The following ZNF75A variants were observed in gnomAD, a reference collection of about 807,000 sequenced individuals.
ZNF75A encodes zinc finger protein 75A.
In ZNF75A, 36 loss-of-function variants were observed where a neutral mutation model predicts 46.3. The observed-to-expected ratio is 0.78, with a 90% CI of 0.60 to 1.03. The LOEUF (loss-of-function observed/expected upper bound fraction) is 1.03. ZNF75A is among the 50% of genes least tolerant of loss of function. ZNF75A has a pLI of 0.00. For synonymous variants in ZNF75A, 234 were observed against 189.9 expected, an observed-to-expected ratio of 1.23 and a Z score of -1.91; for missense variants, 595 against 551.3, an observed-to-expected ratio of 1.08 and a Z score of -0.79.
intron 5 of ZNF75A, among the ~76,000 whole-genome samples, chr16:3,313,452 CATT>C (rs1960961920): frequency 6.6e-6 from 1 of 152,214 alleles, no homozygotes; most frequent in African/African-American, 2.4e-5. Flanking sequence ...GGGGCACATT[CATT>C]ATCCAGTGGC....
At chr16:3,314,367 T>C (rs1002927761) in intron 5 of ZNF75A, among the ~76,000 whole-genome samples, 3 of 152,210 alleles carry the variant, frequency 2.0e-5, no homozygotes, top group Admixed American at 2.0e-4. Context: ...GACTGGACAG[T>C]GGCACCTGAG....
chr16:3,306,274 C>G (rs1336595226), intron 1 of ZNF75A: 1 of 152,006 alleles, frequency 6.6e-6, no homozygotes, highest in Non-Finnish European at 1.5e-5. Context: ...GTCACCAACT[C>G]CTGTTGGAGT....
intron 5 of ZNF75A, 165 bp from the exon 6 acceptor site, chr16:3,316,741 CTATAAG>C: frequency 4.0e-6 from 2 of 494,488 alleles, no homozygotes; most frequent in Non-Finnish European, 7.2e-6. Flanking sequence ...GCATAGCTAC[CTATAAG>C]TATAACATAG....
At chr16:3,320,088 C>T (rs1409574978), downstream of ZNF75A, among the ~76,000 whole-genome samples, 1 of 152,074 alleles carries the variant, frequency 6.6e-6, no homozygotes, top group Non-Finnish European at 1.5e-5. Context: ...CTCTGTTGCC[C>T]AGGCTGGAGT....
In ZNF75A at chr16:3,317,929, A is replaced by T; in HGVS notation, c.*60A>T. Reference sequence around the variant, plus strand: ...ATTCACCAAATGGAGCTTGGCACTAAAATTTATGTAAAAGAAAAATCACAA... The same window carrying T: ...ATTCACCAAATGGAGCTTGGCACTATAATTTATGTAAAAGAAAAATCACAA... On this transcript the variant is annotated 3_prime_UTR_variant, in exon 7 of 7. Coordinates refer to ENST00000669516, the MANE Select transcript of ZNF75A (RefSeq NM_001302109.2). The T allele has an allele frequency of 1.3e-6, 2 of 1,502,334 alleles. No homozygotes were observed. The highest frequency in any genetic ancestry group is 1.8e-6 in the Non-Finnish European group (2 of 1,128,498). 93.1% of individuals were successfully genotyped at this position (1,502,334 alleles called of 1,614,324 possible). A position where few individuals can be genotyped will look rare whatever the true frequency, so the allele number is the denominator to read the frequency against.
chr16:3,320,504 G>A (rs1363958428), downstream of ZNF75A, among the ~76,000 whole-genome samples: 1 of 152,134 alleles, frequency 6.6e-6, no homozygotes, highest in Non-Finnish European at 1.5e-5. Flanking sequence ...ACACTAATGG[G>A]ACCACTTAAG....
chr16:3,310,622 G>A (rs1022205383), intron 2 of ZNF75A: 24 of 973,422 alleles, frequency 2.5e-5, no homozygotes, highest in Non-Finnish European at 2.8e-5. Flanking sequence ...TGAGACCCCC[G>A]TCTCAAAACA....
chr16:3,317,340 G>A lies in ZNF75A; in HGVS notation c.1085G>A (p.Arg362Lys). 6.2e-7 allele frequency: 1 copy of A among 1,614,116 alleles called. No individual in the cohort carries two copies. Among genetic ancestry groups the A allele is most frequent in the Non-Finnish European group, 8.5e-7 (1 of 1,180,014 alleles). ...AAAGAAAATCATTTTGATATGCACAGAGTGGGAAAATGGCACCAAGATTTT... is the reference window on the plus strand; with the variant it reads ...AAAGAAAATCATTTTGATATGCACAAAGTGGGAAAATGGCACCAAGATTTT... ...AGKENHFDMH[R>K]VGKWHQDFPV... The change falls in exon 7 of 7, where the codon AGA becomes AAA. Residue 362 changes from arginine (R) to lysine (K), a missense_variant. Physicochemically the swap from Arg to Lys is conservative, Grantham distance 26 (BLOSUM62 2). Transcript: ENST00000669516.
chr16:3,310,607 CAG>C lies in ZNF75A; in HGVS notation c.409-1143_409-1142del, dbSNP rs1161277015. The C allele has an allele frequency of 1.2e-5, 11 of 928,524 alleles. No individual in the cohort carries two copies. The African/African-American group carries it at 1.6e-4, about 14-fold the overall frequency. 57.5% of individuals were successfully genotyped at this position (928,524 alleles called of 1,614,324 possible). A position where few individuals can be genotyped will look rare whatever the true frequency, so the allele number is the denominator to read the frequency against. On this transcript the variant is annotated intron_variant, in intron 2 of 6. Coordinates refer to ENST00000669516, the MANE Select transcript of ZNF75A (RefSeq NM_001302109.2). ...TACCACTGTACCCCAGCCTGGGTGACAGAGTGAGACCCCCGTCTCAAAACAAA... is the reference window on the plus strand; with the variant it reads ...TACCACTGTACCCCAGCCTGGGTGACAGTGAGACCCCCGTCTCAAAACAAA...
rs145575403 is a variant in ZNF75A, at chr16:3,317,512, G to A, written c.1257G>A (p.Lys419=). Residue 419 remains lysine, a synonymous_variant, in exon 7 of 7, where the codon AAG becomes AAA. Transcript: ENST00000669516. ...TCAGAGTTAGCTCTGACCTTATTAA[G>A]CACCAAAGAATTCACACTGAAGAGA... ...KTFRVSSDLI[K]HQRIHTEEKP... 5,398 of 1,613,964 alleles carry A rather than the reference G, an allele frequency of 3.3e-3. 13 individuals carry two copies. The highest frequency in any genetic ancestry group is 4.3e-3 in the Non-Finnish European group (5,051 of 1,179,972).
intron 3 of ZNF75A, chr16:3,312,346 A>ATT (rs1395255555): frequency 6.6e-6 from 1 of 152,190 alleles, no homozygotes; most frequent in East Asian, 1.9e-4. Context: ...AAAAGACAAA[A>ATT]AACTTCATCT....
chr16:3,323,115 A>T (rs1446947738), downstream of ZNF75A: 3 of 552,778 alleles, frequency 5.4e-6, no homozygotes, highest in Non-Finnish European at 8.9e-6. Flanking sequence ...TTGATAAAAA[A>T]AATCTCAAAA....
intron 2 of ZNF75A, chr16:3,310,660 G>A: frequency 2.0e-6 from 2 of 985,458 alleles, no homozygotes; most frequent in Non-Finnish European, 2.4e-6. Context: ...AAACAACTAG[G>A]GGAAGACTGC....
downstream of ZNF75A, among the ~76,000 whole-genome samples, chr16:3,320,665 A>G (rs1405346115): frequency 1.3e-5 from 2 of 152,194 alleles, no homozygotes; most frequent in Non-Finnish European, 2.9e-5. Flanking sequence ...GCGTTGCCTC[A>G]TGCACAAAAC....
Position 3,317,749 on chromosome 16 carries a change from C to A in ZNF75A, c.1494C>A (p.Asn498Lys). The change falls in exon 7 of 7, where the codon AAC (asparagine) becomes AAA (lysine). Residue 498 changes from asparagine to lysine, a missense_variant. Transcript: ENST00000669516. ...AATGTGGAAAAAAATTCAGTCAGAA[C>A]TCCCACCTTATTAAACACCGGAGAA... Reference protein sequence around the residue: ...CHECGKKFSQNSHLIKHRRTH... With the variant: ...CHECGKKFSQKSHLIKHRRTH... 1 of 1,614,178 alleles carries A rather than the reference C, an allele frequency of 6.2e-7. No individual in the cohort carries two copies. The highest frequency in any genetic ancestry group is 8.5e-7 in the Non-Finnish European group (1 of 1,180,018).
In ZNF75A at chr16:3,308,569, T is replaced by C; in HGVS notation, c.141T>C (p.Ser47=). 1 of 985,954 alleles carries C rather than the reference T, an allele frequency of 1.0e-6. No individual in the cohort carries two copies. Among genetic ancestry groups the C allele is most frequent in the Non-Finnish European group, 1.2e-6 (1 of 829,974 alleles). 61.1% of individuals were successfully genotyped at this position (985,954 alleles called of 1,614,324 possible). A position where few individuals can be genotyped will look rare whatever the true frequency, so the allele number is the denominator to read the frequency against. ...PQMDCLDPKS[S]CWHFRNFTYD... ...TGGACTGTCTCGATCCTAAGAGCTC[T>C]TGCTGGCACTTCCGGAATTTCACCT... is the stretch of plus-strand genomic sequence containing the variant. The change falls in exon 2 of 7, where the codon TCT becomes TCC. Residue 47 remains serine, a synonymous_variant. Transcript: ENST00000669516.
chr16:3,311,857 C>G lies in ZNF75A; in HGVS notation c.513C>G (p.Ser171=). The G allele has an allele frequency of 9.7e-7, 1 of 1,034,542 alleles. No homozygotes were observed. Among genetic ancestry groups the G allele is most frequent in the Non-Finnish European group, 1.2e-6 (1 of 855,170 alleles). 64.1% of individuals were successfully genotyped at this position (1,034,542 alleles called of 1,614,324 possible). Reference sequence around the variant, plus strand: ...CAGAGTCCCAACCAGTGGGCGTATCCCAAGATGAAGAATTTTGGAATACAT... The same window carrying G: ...CAGAGTCCCAACCAGTGGGCGTATCGCAAGATGAAGAATTTTGGAATACAT... ...KPTESQPVGV[S]QDEEFWNTYE... is the part of the protein sequence containing the mutation. Residue 171 remains serine (S), a synonymous_variant, in exon 3 of 7, where the codon TCC becomes TCG. Coordinates refer to ENST00000669516, the MANE Select transcript of ZNF75A (RefSeq NM_001302109.2).
chr16:3,320,714 G>A (rs1961493961), downstream of ZNF75A, among the ~76,000 whole-genome samples: 1 of 152,232 alleles, frequency 6.6e-6, no homozygotes, highest in Non-Finnish European at 1.5e-5. Context: ...GTGGGGGTTA[G>A]GGGGTAGGGA....
In ZNF75A at chr16:3,316,704, G is replaced by A. The variant is rs538802881; in HGVS notation, c.824-208G>A. Reference sequence around the variant, plus strand: ...CCTATATCCTTTTCATTGATCCACCGTAGATTTATTTCTTAGTCTCTGCTT... The same window carrying A: ...CCTATATCCTTTTCATTGATCCACCATAGATTTATTTCTTAGTCTCTGCTT... On this transcript the variant is annotated intron_variant, in intron 5 of 6. Transcript: ENST00000669516. 1.7e-4 allele frequency: 73 copies of A among 423,628 alleles called. No individual in the cohort carries two copies. In the South Asian group the frequency reaches 2.2e-3, roughly 13 times the overall value. 26.2% of individuals were successfully genotyped at this position (423,628 alleles called of 1,614,324 possible).
Sources: allele counts gnomAD v4.1 joint callset (sites outside exome capture counted in the v4.1 genomes callset), GRCh38; gene constraint gnomAD v4.1.1; transcripts MANE v1.5; gene names NCBI Gene and HGNC (gene_info 2026-07-23, HGNC 2026-07-21).